MACROD2: variants seen among roughly 807,000 people sequenced by gnomAD.
MACROD2 encodes the protein mono-ADP ribosylhydrolase 2.
Under a neutral mutation model 70.4 loss-of-function variants are expected in MACROD2, and 36 were observed. That is an observed-to-expected ratio of 0.51 (90% CI 0.39 to 0.68). The LOEUF (loss-of-function observed/expected upper bound fraction) is 0.68. Among genes scored for constraint, MACROD2 ranks in the 30% least tolerant of loss-of-function variants. The pLI, the probability that MACROD2 is intolerant of heterozygous loss-of-function variation, is 0.00. For synonymous variants in MACROD2, 172 were observed against 178.8 expected, an observed-to-expected ratio of 0.96 and a Z score of 0.30; for missense variants, 496 against 538.4, an observed-to-expected ratio of 0.92 and a Z score of 0.78.
intron 3 of MACROD2, among the ~76,000 whole-genome samples, chr20:14,175,295 C>G (rs554299199): frequency 2.0e-5 from 3 of 152,134 alleles, no homozygotes; most frequent in African/African-American, 2.4e-5. Context: ...CCTAAAGACT[C>G]CTTCTTAAAT....
intron 5 of MACROD2, among the ~76,000 whole-genome samples, chr20:15,019,878 A>C (rs1346128887): frequency 6.6e-6 from 1 of 152,172 alleles, no homozygotes; most frequent in Non-Finnish European, 1.5e-5. Context: ...AATTTTTACG[A>C]ACATTTTATT....
At position 15,309,212 on chromosome 20, in the gene MACROD2, CTT is replaced by C. The variant is rs2077727598; in HGVS notation, c.540+79152_540+79153del. On this transcript the variant is annotated intron_variant, in intron 6 of 17. Coordinates refer to ENST00000684519, the MANE Select transcript of MACROD2 (RefSeq NM_001351661.2). ...TGTTCAACAACCAGTTGAGAAAAAT[CTT>C]ATAGATTAAATGTGAAATCAAAAGC... is the stretch of plus-strand genomic sequence containing the variant. Among the ~76,000 whole-genome samples, 3 of 152,268 alleles carry C rather than the reference CTT, an allele frequency of 2.0e-5. No homozygotes were observed. In the South Asian group the frequency reaches 6.2e-4, roughly 32 times the overall value.
chr20:14,736,978 A>C (rs2071673530), intron 5 of MACROD2, among the ~76,000 whole-genome samples: 1 of 152,090 alleles, frequency 6.6e-6, no homozygotes, highest in Non-Finnish European at 1.5e-5. Flanking sequence ...AATATACTTT[A>C]AGTTCTGGGA....
Position 14,312,906 on chromosome 20 carries a change from T to G in MACROD2, c.272-180573T>G, listed in dbSNP as rs567233550. 8.5e-5 allele frequency among the ~76,000 whole-genome samples: 13 copies of G among 152,312 alleles called. No homozygotes were observed. The East Asian group carries it at 2.5e-3, about 29-fold the overall frequency. ...ACAACCACTATCCTGTACGCCAGAG[T>G]GGCATGTTTGAAAACACTCATACTT... On this transcript the variant is annotated intron_variant, in intron 3 of 17. Coordinates refer to ENST00000684519, the MANE Select transcript of MACROD2 (RefSeq NM_001351661.2).
intron 3 of MACROD2, among the ~76,000 whole-genome samples, chr20:14,273,213 A>T (rs1442178956): frequency 6.6e-6 from 1 of 152,186 alleles, no homozygotes; most frequent in Non-Finnish European, 1.5e-5. Context: ...ACCACACCAC[A>T]TGTATTCCAA....
intron 4 of MACROD2, among the ~76,000 whole-genome samples, chr20:14,582,101 T>A (rs190364869): frequency 6.6e-6 from 1 of 152,206 alleles, no homozygotes; most frequent in Non-Finnish European, 1.5e-5. Context: ...CTCATTCTAG[T>A]TTTTTGGGAA....
intron 3 of MACROD2, chr20:14,325,095 T>A (rs1347060412): frequency 6.6e-6 from 1 of 152,630 alleles, no homozygotes; most frequent in African/African-American, 2.4e-5. Context: ...AAATTTTATC[T>A]CATTCAGCCA....
At chr20:14,904,681 A>G (rs1009585715) in intron 5 of MACROD2, among the ~76,000 whole-genome samples, 1 of 152,152 alleles carries the variant, frequency 6.6e-6, no homozygotes, top group African/African-American at 2.4e-5. Flanking sequence ...AAATTACTCA[A>G]CCTCATTAAG....
intron 3 of MACROD2, among the ~76,000 whole-genome samples, chr20:14,415,889 G>T (rs968927932): frequency 6.6e-6 from 1 of 151,848 alleles, no homozygotes; most frequent in African/African-American, 2.4e-5. Flanking sequence ...GCCTGTGCTT[G>T]CTTGCTTGCT....
intron 2 of MACROD2, among the ~76,000 whole-genome samples, chr20:14,054,563 G>A (rs913724793): frequency 1.3e-5 from 2 of 152,126 alleles, no homozygotes; most frequent in Non-Finnish European, 2.9e-5. Flanking sequence ...CCAAGTTTAA[G>A]AAGGTTTGAA....
chr20:15,318,004 A>G (rs1230812580), intron 6 of MACROD2, among the ~76,000 whole-genome samples: 3 of 152,158 alleles, frequency 2.0e-5, no homozygotes, highest in Non-Finnish European at 2.9e-5. Context: ...CCTTGAAAAG[A>G]TCAACAAAAT....
chr20:14,684,259 T>C (rs1338980618), intron 4 of MACROD2, among the ~76,000 whole-genome samples: 5 of 152,144 alleles, frequency 3.3e-5, no homozygotes, highest in African/African-American at 7.2e-5. Flanking sequence ...AACACAATCA[T>C]GTGTGTGTCA....
At chr20:14,265,464 T>C (rs2082136319) in intron 3 of MACROD2, among the ~76,000 whole-genome samples, 1 of 152,192 alleles carries the variant, frequency 6.6e-6, no homozygotes, top group South Asian at 2.1e-4. Flanking sequence ...TACACTCTTA[T>C]CCATGTACCA....
rs60568710 is a variant in MACROD2, at chr20:15,646,750, C to T, written c.645+146903C>T. Among the ~76,000 whole-genome samples the T allele has an allele frequency of 3.2e-3, 486 of 152,302 alleles. 3 individuals carry two copies. The highest frequency in any genetic ancestry group is 0.011 in the African/African-American group (462 of 41,556). ...CTCCCTTCGATTGGCACTTCTCTTT[C>T]CTGCAGCCTTGTGAAAAAGGTGCCT... On this transcript the variant is annotated intron_variant, in intron 8 of 17. Transcript: ENST00000684519.
At chr20:15,300,086 C>T (rs769417646) in intron 6 of MACROD2, among the ~76,000 whole-genome samples, 1 of 152,156 alleles carries the variant, frequency 6.6e-6, no homozygotes, top group Non-Finnish European at 1.5e-5. Context: ...ATCCTCCAAA[C>T]TGAACTTGAT....
chr20:15,019,730 A>G (rs1249805414), intron 5 of MACROD2, among the ~76,000 whole-genome samples: 2 of 152,200 alleles, frequency 1.3e-5, no homozygotes, highest in African/African-American at 2.4e-5. Context: ...AAAAACAGTT[A>G]GAGACCATTT....
At chr20:16,003,134 C>T (rs1392642430) in intron 15 of MACROD2, among the ~76,000 whole-genome samples, 3 of 148,184 alleles carry the variant, frequency 2.0e-5, no homozygotes, top group South Asian at 2.2e-4. Flanking sequence ...ACAATCTCTA[C>T]CCTCAAGGGG....
intron 5 of MACROD2, among the ~76,000 whole-genome samples, chr20:14,854,848 C>G (rs2073236918): frequency 1.3e-5 from 2 of 152,090 alleles, no homozygotes; most frequent in Admixed American, 1.3e-4. Context: ...AACCCCATCT[C>G]TACTAAAATT....
At chr20:15,967,664 T>C in intron 13 of MACROD2, 34 bp downstream of exon 13, 1 of 1,394,958 alleles carries the variant, frequency 7.2e-7, no homozygotes, top group Non-Finnish European at 9.8e-7. Flanking sequence ...GATTTTCTTT[T>C]CTTCTGCTGG....
Sources: gnomAD v4.1 joint callset for allele counts (sites outside exome capture counted in the v4.1 genomes callset) on GRCh38, gnomAD v4.1.1 for gene constraint, MANE v1.5 for transcripts, NCBI Gene and HGNC (gene_info 2026-07-23, HGNC 2026-07-21) for gene names.